Variants in TBC1D5 observed in about 807,000 individuals in gnomAD.
TBC1D5 encodes TBC1 domain family, member 5.
Under a neutral mutation model 100.3 loss-of-function variants are expected in TBC1D5, and 75 were observed. The observed-to-expected ratio is 0.75, with a 90% confidence interval of 0.62 to 0.91. The LOEUF (loss-of-function observed/expected upper bound fraction) is 0.91, where lower values mean the gene tolerates loss of function less well. Ranked by LOEUF, TBC1D5 falls within the 40% of genes least tolerant of loss-of-function variation. The probability of loss-of-function intolerance (pLI) is 0.00; values close to 1 mark genes in which losing one functional copy is unlikely to be tolerated. For synonymous variants in TBC1D5, 323 were observed against 325.6 expected, an observed-to-expected ratio of 0.99 and a Z score of 0.09; for missense variants, 910 against 942.4, an observed-to-expected ratio of 0.97 and a Z score of 0.45.
intron 3 of TBC1D5, among the ~76,000 whole-genome samples, chr3:17,480,342 C>G (rs1021519610): frequency 6.6e-6 from 1 of 152,206 alleles, no homozygotes; most frequent in African/African-American, 2.4e-5. Flanking sequence ...AGTGAAGCCC[C>G]GCCTTAAAGC....
chr3:17,599,177 A>G (rs78514070), intron 2 of TBC1D5, among the ~76,000 whole-genome samples: 10,879 of 152,192 alleles, frequency 0.071, 794 homozygotes, highest in African/African-American at 0.19. Context: ...ATGTTCCCCC[A>G]CAAAGGCCCC....
At chr3:17,460,443 T>A (rs2095181725) in intron 3 of TBC1D5, among the ~76,000 whole-genome samples, 1 of 152,178 alleles carries the variant, frequency 6.6e-6, no homozygotes, top group Non-Finnish European at 1.5e-5. Context: ...TACGAATATT[T>A]ACTCTTTCCC....
intron 3 of TBC1D5, among the ~76,000 whole-genome samples, chr3:17,469,825 T>A (rs1398200618): frequency 6.6e-6 from 1 of 152,258 alleles, no homozygotes; most frequent in Non-Finnish European, 1.5e-5. Flanking sequence ...GTCAATGAAT[T>A]ACGATGACCC....
chr3:17,415,485 CA>C (rs1382188347), intron 4 of TBC1D5, among the ~76,000 whole-genome samples: 1 of 152,002 alleles, frequency 6.6e-6, no homozygotes, highest in Non-Finnish European at 1.5e-5. Context: ...CAAAAAAACA[CA>C]GGCATTATTT....
chr3:17,348,665 G>A (rs1335142460), intron 13 of TBC1D5, among the ~76,000 whole-genome samples: 1 of 152,074 alleles, frequency 6.6e-6, no homozygotes, highest in African/African-American at 2.4e-5. Flanking sequence ...TAATCATAAA[G>A]GCTGCAGGCA....
intron 2 of TBC1D5, among the ~76,000 whole-genome samples, chr3:17,549,432 A>T (rs1240581390): frequency 6.6e-6 from 1 of 152,222 alleles, no homozygotes; most frequent in African/African-American, 2.4e-5. Flanking sequence ...TAAAACATTT[A>T]AAAGTAAAGA....
At chr3:17,622,312 G>T (rs952488214) in intron 2 of TBC1D5, among the ~76,000 whole-genome samples, 1 of 152,058 alleles carries the variant, frequency 6.6e-6, no homozygotes, top group Non-Finnish European at 1.5e-5. Flanking sequence ...ACCGGTCCCA[G>T]TCCATGACCA....
intron 2 of TBC1D5, among the ~76,000 whole-genome samples, chr3:17,519,894 T>C (rs925341079): frequency 2.0e-5 from 3 of 152,202 alleles, no homozygotes; most frequent in Non-Finnish European, 4.4e-5. Context: ...TTAACAAATA[T>C]ATACTGAGCA....
At chr3:17,236,590 A>T (rs1027856439) in intron 17 of TBC1D5, among the ~76,000 whole-genome samples, 1 of 151,456 alleles carries the variant, frequency 6.6e-6, no homozygotes, top group African/African-American at 2.4e-5. Context: ...GGTTCAAATG[A>T]TTCTCCTGCC....
chr3:17,442,230 T>C (rs1459586711), intron 3 of TBC1D5, among the ~76,000 whole-genome samples: 2 of 152,146 alleles, frequency 1.3e-5, no homozygotes, highest in Non-Finnish European at 2.9e-5. Flanking sequence ...TCTTTCTTTT[T>C]CCCTTCTTTT....
chr3:17,564,433 C>G (rs997547057), intron 2 of TBC1D5, among the ~76,000 whole-genome samples: 3 of 151,946 alleles, frequency 2.0e-5, no homozygotes, highest in African/African-American at 4.8e-5. Flanking sequence ...AAATTACTAC[C>G]CCCCTTAAGC....
intron 3 of TBC1D5, among the ~76,000 whole-genome samples, chr3:17,472,145 C>CTT (rs1205250326): frequency 1.5e-5 from 2 of 137,452 alleles, no homozygotes; most frequent in Admixed American, 7.2e-5. Flanking sequence ...TTTTTTTTTT[C>CTT]TTTTTTTTTT....
intron 18 of TBC1D5, among the ~76,000 whole-genome samples, chr3:17,209,854 A>C (rs1458715022): frequency 2.0e-5 from 3 of 152,128 alleles, no homozygotes; most frequent in Non-Finnish European, 4.4e-5. Context: ...TTTTTGAATA[A>C]ATCTTTCTGG....
chr3:17,621,105 CATATAAAT>C (rs1483282931), intron 2 of TBC1D5, among the ~76,000 whole-genome samples: 1 of 151,846 alleles, frequency 6.6e-6, no homozygotes, highest in Admixed American at 6.6e-5. Context: ...AAAGACGGGA[CATATAAAT>C]ATGAGAAGCA....
At chr3:17,335,388 C>T (rs960861834) in intron 13 of TBC1D5, among the ~76,000 whole-genome samples, 2 of 151,990 alleles carry the variant, frequency 1.3e-5, no homozygotes, top group Admixed American at 6.6e-5. Context: ...GGAGCTTTTG[C>T]CCTAAATCAT....
chr3:17,200,081 A>T (rs77071111), intron 18 of TBC1D5, among the ~76,000 whole-genome samples: 2,370 of 152,220 alleles, frequency 0.016, 24 homozygotes, highest in Non-Finnish European at 0.025. Flanking sequence ...TAATTTTCTT[A>T]TTCTTTTCTC....
At chr3:17,428,572 G>A in intron 3 of TBC1D5, 53 bp from the exon 4 acceptor site, 2 of 1,016,878 alleles carry the variant, frequency 2.0e-6, no homozygotes, top group South Asian at 2.1e-5. Flanking sequence ...GAATATTTCA[G>A]TTGAAAAACT....
At chr3:17,433,585 G>A (rs554145561) in intron 3 of TBC1D5, among the ~76,000 whole-genome samples, 43 of 152,202 alleles carry the variant, frequency 2.8e-4, no homozygotes, top group African/African-American at 9.9e-4. Context: ...GTAACACCTG[G>A]GGATTATAAA....
intron 3 of TBC1D5, among the ~76,000 whole-genome samples, chr3:17,469,685 C>T (rs886212875): frequency 2.6e-5 from 4 of 152,206 alleles, no homozygotes; most frequent in African/African-American, 9.7e-5. Context: ...TATTTACATG[C>T]ATATTTATCA....
Sources: gnomAD v4.1 joint callset for allele counts (sites outside exome capture counted in the v4.1 genomes callset) on GRCh38, gnomAD v4.1.1 for gene constraint, MANE v1.5 for transcripts, NCBI Gene and HGNC (gene_info 2026-07-23, HGNC 2026-07-21) for gene names.